NOL4L: variants seen among roughly 807,000 people sequenced by gnomAD.
NOL4L encodes the protein nucleolar protein 4-like.
Under a neutral mutation model 64.5 loss-of-function variants are expected in NOL4L, and 7 were observed. That is an observed-to-expected ratio of 0.11 (90% CI 0.06 to 0.20). NOL4L has a LOEUF of 0.20. NOL4L is among the 10% of genes least tolerant of loss of function. NOL4L has a pLI of 1.00. For missense variants in NOL4L, 680 were observed against 967.1 expected, an observed-to-expected ratio of 0.70 and a Z score of 3.94; for synonymous variants, 413 against 401.0, an observed-to-expected ratio of 1.03 and a Z score of -0.36.
At chr20:32,536,808 G>A (rs1343927110) in intron 1 of NOL4L, among the ~76,000 whole-genome samples, 2 of 119,012 alleles carry the variant, frequency 1.7e-5, no homozygotes, top group African/African-American at 3.0e-5. Flanking sequence ...GTGGGGGGGG[G>A]GGGGCGCACC....
intron 4 of NOL4L, chr20:32,510,419 A>G (rs1028895556): frequency 1.6e-5 from 3 of 192,790 alleles, no homozygotes; most frequent in African/African-American, 6.9e-5. Flanking sequence ...CTACATCACC[A>G]TGGATCTGGC....
intron 5 of NOL4L, among the ~76,000 whole-genome samples, chr20:32,466,940 G>A (rs1295548378): frequency 1.3e-5 from 2 of 152,276 alleles, no homozygotes; most frequent in East Asian, 3.9e-4. Context: ...CCTCCTGGTG[G>A]GAGAGGGCTG....
chr20:32,446,591 G>GCAGT lies in NOL4L; in HGVS notation c.*1001_*1004dup, dbSNP rs949892689. On this transcript the variant is annotated 3_prime_UTR_variant, in exon 11 of 11. Transcript: ENST00000621426. ...CCTGCCAACCGGCTGCCATCTCCCA[G>GCAGT]CAGTCCGTCCTGTCAAGCAGCTGAG... 2 of 152,934 alleles carry GCAGT rather than the reference G, an allele frequency of 1.3e-5. No individual in the cohort carries two copies. Among genetic ancestry groups the GCAGT allele is most frequent in the Admixed American group, 1.3e-4 (2 of 15,344 alleles). The allele number at this position is 152,934 out of a possible 1,614,324, so 9.5% of individuals were successfully genotyped here.
chr20:32,561,820 C>T (rs1485967905), intron 1 of NOL4L, among the ~76,000 whole-genome samples: 1 of 152,120 alleles, frequency 6.6e-6, no homozygotes, highest in Non-Finnish European at 1.5e-5. Flanking sequence ...CAATATAATT[C>T]GTGTAAAGTA....
intron 3 of NOL4L, among the ~76,000 whole-genome samples, chr20:32,513,186 C>T (rs1470901731): frequency 2.6e-5 from 4 of 152,062 alleles, no homozygotes; most frequent in African/African-American, 7.2e-5. Context: ...TGCCCTCTAC[C>T]ATCACAAGGA....
chr20:32,564,791 C>T (rs1201399558), intron 1 of NOL4L, among the ~76,000 whole-genome samples: 3 of 152,248 alleles, frequency 2.0e-5, no homozygotes, highest in African/African-American at 7.2e-5. Context: ...GTCCAGCAGC[C>T]CAGTGCCTCG....
intron 4 of NOL4L, chr20:32,475,050 G>A (rs2015297478): frequency 4.1e-6 from 4 of 985,460 alleles, no homozygotes; most frequent in Non-Finnish European, 4.8e-6. Context: ...AGCCAAGGTT[G>A]AAACAAGCGC....
chr20:32,488,318 C>A (rs1214739245), intron 4 of NOL4L, among the ~76,000 whole-genome samples: 1 of 152,132 alleles, frequency 6.6e-6, no homozygotes, highest in Non-Finnish European at 1.5e-5. Flanking sequence ...AGTTTCATAC[C>A]CTGGTACCAT....
chr20:32,574,790 C>CGGACGT (rs1979987363), intron 1 of NOL4L, among the ~76,000 whole-genome samples: 2 of 151,970 alleles, frequency 1.3e-5, no homozygotes, highest in Non-Finnish European at 2.9e-5. Flanking sequence ...GCCTAAGTCA[C>CGGACGT]GGGGTCCCCT....
intron 1 of NOL4L, among the ~76,000 whole-genome samples, chr20:32,578,108 A>G (rs546849775): frequency 1.0e-4 from 9 of 88,336 alleles, no homozygotes; most frequent in East Asian, 1.0e-3. Flanking sequence ...AGAAAGAGAG[A>G]AAGGAAGGAA....
At chr20:32,556,200 C>T (rs796945483) in intron 1 of NOL4L, among the ~76,000 whole-genome samples, 6 of 152,254 alleles carry the variant, frequency 3.9e-5, no homozygotes, top group South Asian at 4.2e-4. Context: ...CTCTATTCCC[C>T]GACCAAAACA....
chr20:32,484,829 C>A (rs2015985605), intron 4 of NOL4L, among the ~76,000 whole-genome samples: 1 of 151,888 alleles, frequency 6.6e-6, no homozygotes, highest in Non-Finnish European at 1.5e-5. Flanking sequence ...ACTGGCATCG[C>A]GGGGTGGGAG....
At chr20:32,483,478 G>A (rs1337559969) in intron 4 of NOL4L, 6 of 990,370 alleles carry the variant, frequency 6.1e-6, no homozygotes, top group Non-Finnish European at 7.2e-6. Flanking sequence ...GCGGCTGCCC[G>A]GGGAGAGGGG....
intron 4 of NOL4L, among the ~76,000 whole-genome samples, chr20:32,498,346 T>C (rs997402797): frequency 1.3e-5 from 2 of 151,840 alleles, no homozygotes; most frequent in Non-Finnish European, 1.5e-5. Context: ...CAAGAACATA[T>C]ACTGATTGCA....
chr20:32,456,973 G>A (rs1424700818), intron 5 of NOL4L, among the ~76,000 whole-genome samples: 1 of 152,214 alleles, frequency 6.6e-6, no homozygotes, highest in African/African-American at 2.4e-5. Flanking sequence ...GGCAGCCTAG[G>A]CACAGGCACG....
chr20:32,522,440 G>C (rs1021935802), intron 2 of NOL4L, among the ~76,000 whole-genome samples: 1 of 152,220 alleles, frequency 6.6e-6, no homozygotes. Flanking sequence ...GTCCTTGTCA[G>C]GTGTCAGGTC....
chr20:32,552,983 G>A (rs1978399587), intron 1 of NOL4L, among the ~76,000 whole-genome samples: 1 of 152,184 alleles, frequency 6.6e-6, no homozygotes, highest in South Asian at 2.1e-4. Flanking sequence ...GCCAGAGGAT[G>A]AGCTTGGTTG....
At chr20:32,448,861 T>C (rs183536513) in intron 10 of NOL4L, among the ~76,000 whole-genome samples, 5 of 152,336 alleles carry the variant, frequency 3.3e-5, no homozygotes, top group Non-Finnish European at 5.9e-5. Flanking sequence ...GCTCTGCTAC[T>C]TCATTGGCAA....
Position 32,453,758 on chromosome 20 carries a change from GGGAC to G in NOL4L, c.1120-1_1122del. On this transcript the variant is annotated splice_acceptor_variant and coding_sequence_variant, in exon 7 of 11. Transcript: ENST00000621426. LOFTEE classifies it high-confidence loss of function. This position sits in a 1 kb window ranked among gnomAD's most constrained non-coding sequence, Gnocchi z 5.6. ...TCGTAGCTCCCAGAGCTGTAGGGGG[GGGAC>G]TAAAAGGAGGGCAAGAGGCAGAGGG... 1 of 1,552,678 alleles carries G rather than the reference GGGAC, an allele frequency of 6.4e-7. No homozygotes were observed. The highest frequency in any genetic ancestry group is 8.7e-7 in the Non-Finnish European group (1 of 1,147,442).
Sources: gnomAD v4.1 joint callset for allele counts (sites outside exome capture counted in the v4.1 genomes callset) on GRCh38, gnomAD v4.1.1 for gene constraint, Gnocchi (gnomAD v3.1) non-coding constraint, MANE v1.5 for transcripts, NCBI Gene and HGNC (gene_info 2026-07-23, HGNC 2026-07-21) for gene names.